Variants in CFAP91 observed in about 807,000 individuals in gnomAD.
CFAP91 encodes cilia and flagella associated protein 91.
In CFAP91, 85 loss-of-function variants were observed where a neutral mutation model predicts 95.9. The observed-to-expected ratio is 0.89, with a 90% CI of 0.74 to 1.06. CFAP91 has a LOEUF of 1.06. Ranked by LOEUF, CFAP91 falls within the 50% of genes least tolerant of loss-of-function variation. The pLI is 0.00. For synonymous variants in CFAP91, 335 were observed against 327.5 expected, an observed-to-expected ratio of 1.02 and a Z score of -0.25; for missense variants, 962 against 943.4, an observed-to-expected ratio of 1.02 and a Z score of -0.26.
chr3:119,762,232 A>T (rs1386370046), intron 17 of CFAP91, among the ~76,000 whole-genome samples: 2 of 148,718 alleles, frequency 1.3e-5, no homozygotes, highest in Non-Finnish European at 3.0e-5. Flanking sequence ...AATCCCATTT[A>T]TAATAGCTAC....
At chr3:119,713,759 T>TA (rs1345778359) in intron 5 of CFAP91, among the ~76,000 whole-genome samples, 1 of 152,192 alleles carries the variant, frequency 6.6e-6, no homozygotes, top group Non-Finnish European at 1.5e-5. Flanking sequence ...TTTGTATGCA[T>TA]AAAAACACAG....
At chr3:119,719,610 G>A (rs2053642545) in intron 6 of CFAP91, among the ~76,000 whole-genome samples, 2 of 152,084 alleles carry the variant, frequency 1.3e-5, no homozygotes, top group South Asian at 2.1e-4. Context: ...CTTTTAAAAG[G>A]CAAAAGAAAT....
intron 15 of CFAP91, 142 bp from the exon 16 acceptor site, chr3:119,747,669 G>T (rs1398056861): frequency 2.8e-6 from 2 of 714,394 alleles, no homozygotes. Context: ...AACTTGCCAG[G>T]AATGTGATAT....
intron 5 of CFAP91, among the ~76,000 whole-genome samples, chr3:119,712,664 C>T (rs2053493257): frequency 6.6e-6 from 1 of 152,100 alleles, no homozygotes; most frequent in Non-Finnish European, 1.5e-5. Flanking sequence ...TTCAGCATTA[C>T]AAACTAAAGC....
intron 4 of CFAP91, among the ~76,000 whole-genome samples, chr3:119,709,591 A>T (rs1302936888): frequency 6.6e-6 from 1 of 152,162 alleles, no homozygotes; most frequent in Non-Finnish European, 1.5e-5. Flanking sequence ...AGTGTTTATT[A>T]AGAATGCACA....
intron 1 of CFAP91, chr3:119,706,000 A>T (rs1279424117): frequency 6.6e-6 from 1 of 152,242 alleles, no homozygotes; most frequent in Non-Finnish European, 1.5e-5. Context: ...CAATTCCCAA[A>T]TTATTAATTT....
At chr3:119,743,059 G>T (rs1412388829) in intron 13 of CFAP91, among the ~76,000 whole-genome samples, 1 of 151,934 alleles carries the variant, frequency 6.6e-6, no homozygotes. Flanking sequence ...CACTGTAGCT[G>T]ACTTCTGGCA....
chr3:119,730,170 C>A, intron 7 of CFAP91, 50 bp from the exon 8 acceptor site: 1 of 1,573,590 alleles, frequency 6.4e-7, no homozygotes, highest in Non-Finnish European at 8.6e-7. Flanking sequence ...TTCCCTTGCC[C>A]TCTGTTTGAG....
rs879034604 is a variant in CFAP91, at chr3:119,740,707, T to G, written c.1680+12T>G. On this transcript the variant is annotated intron_variant, in intron 13 of 17. Coordinates refer to ENST00000273390, the MANE Select transcript of CFAP91 (RefSeq NM_033364.4). Reference sequence around the variant, plus strand: ...TGCATGAGCACAAGGTTTTCCTTTTTTTGTTTTCTTGTTACTTTCTTGTTA... The same window carrying G: ...TGCATGAGCACAAGGTTTTCCTTTTGTTGTTTTCTTGTTACTTTCTTGTTA... The G allele has an allele frequency of 6.2e-7, 1 of 1,610,652 alleles. No individual in the cohort carries two copies. The highest frequency in any genetic ancestry group is 1.3e-5 in the African/African-American group (1 of 74,972).
At chr3:119,708,725 C>G in intron 4 of CFAP91, 51 bp downstream of exon 4, 3 of 1,062,076 alleles carry the variant, frequency 2.8e-6, no homozygotes, top group Non-Finnish European at 4.3e-6. Context: ...ATTAGAGAAC[C>G]TCTTTATGAT....
At chr3:119,706,762 G>T (rs1242311420) in intron 1 of CFAP91, 47 bp from the exon 2 acceptor site, 1 of 1,363,234 alleles carries the variant, frequency 7.3e-7, no homozygotes, top group Non-Finnish European at 1.1e-6. Flanking sequence ...TCAGCCTAGG[G>T]GTAGATATGT....
chr3:119,747,646 G>A (rs896047658), intron 15 of CFAP91, 165 bp from the exon 16 acceptor site: 1 of 642,006 alleles, frequency 1.6e-6, no homozygotes, highest in Admixed American at 3.3e-5. Flanking sequence ...AAATTTTTTT[G>A]TGGAGTTAAA....
At chr3:119,761,442 C>A (rs2107925890) in intron 17 of CFAP91, among the ~76,000 whole-genome samples, 1 of 151,550 alleles carries the variant, frequency 6.6e-6, no homozygotes, top group East Asian at 1.9e-4. Flanking sequence ...GTTTAAATTT[C>A]AGTCTTCCAA....
chr3:119,757,010 A>G (rs2054443398), intron 17 of CFAP91, among the ~76,000 whole-genome samples: 1 of 152,196 alleles, frequency 6.6e-6, no homozygotes, highest in Admixed American at 6.5e-5. Context: ...CAGGAAGCCT[A>G]TATAAAATCT....
At chr3:119,714,222 C>G (rs569456444) in intron 5 of CFAP91, among the ~76,000 whole-genome samples, 1 of 151,914 alleles carries the variant, frequency 6.6e-6, no homozygotes, top group African/African-American at 2.4e-5. Flanking sequence ...AAAAATTAGC[C>G]GGGCGTGGTG....
At chr3:119,748,441 G>GAGAA (rs2054265431) in intron 16 of CFAP91, among the ~76,000 whole-genome samples, 1 of 152,180 alleles carries the variant, frequency 6.6e-6, no homozygotes, top group Non-Finnish European at 1.5e-5. Flanking sequence ...TTAGTCAATA[G>GAGAA]AGAAAGAGAA....
At chr3:119,734,585 A>G (rs1406646036) in intron 10 of CFAP91, among the ~76,000 whole-genome samples, 4 of 152,194 alleles carry the variant, frequency 2.6e-5, no homozygotes, top group Non-Finnish European at 4.4e-5. Context: ...ATAATTGTTT[A>G]TAAATATTAA....
chr3:119,706,082 C>G (rs762919885), intron 1 of CFAP91: 5 of 152,184 alleles, frequency 3.3e-5, no homozygotes, highest in Non-Finnish European at 7.3e-5. Flanking sequence ...AGAGACAAGT[C>G]TACTTGGGAA....
chr3:119,767,059 A>G lies in CFAP91; in HGVS notation c.*2009A>G, dbSNP rs1252332019. On this transcript the variant is annotated 3_prime_UTR_variant, in exon 18 of 18. Transcript: ENST00000273390. ...ACTTTTCTAATTTTTGCTTTTGAAA[A>G]TAAAACACCTATAGTGACAATAAAA... The G allele has an allele frequency of 1.3e-5, 2 of 152,234 alleles. No individual in the cohort carries two copies. Among genetic ancestry groups the G allele is most frequent in the East Asian group, 3.8e-4 (2 of 5,202 alleles). 9.4% of individuals were successfully genotyped at this position (152,234 alleles called of 1,614,324 possible). A position where few individuals can be genotyped will look rare whatever the true frequency, so the allele number is the denominator to read the frequency against.
Sources: gnomAD v4.1 joint callset for allele counts (sites outside exome capture counted in the v4.1 genomes callset) on GRCh38, gnomAD v4.1.1 for gene constraint, MANE v1.5 for transcripts, NCBI Gene and HGNC (gene_info 2026-07-23, HGNC 2026-07-21) for gene names.